The following PIK3C2G variants were observed in gnomAD, a reference collection of about 807,000 sequenced individuals.
PIK3C2G encodes the protein phosphatidylinositol 3-kinase C2 domain-containing subunit gamma.
A neutral mutation model predicts 181.1 loss-of-function variants in PIK3C2G; 168 were observed. The ratio of observed to expected loss-of-function variants is 0.93; its 90% CI spans 0.82 to 1.05. PIK3C2G has a LOEUF of 1.05. Ranked by LOEUF, PIK3C2G falls within the 50% of genes least tolerant of loss-of-function variation. PIK3C2G has a pLI of 0.00. For missense variants in PIK3C2G, 1,869 were observed against 1,732.8 expected, an observed-to-expected ratio of 1.08 and a Z score of -1.40; for synonymous variants, 573 against 592.2, an observed-to-expected ratio of 0.97 and a Z score of 0.47.
chr12:18,419,498 G>T (rs1020960071), intron 16 of PIK3C2G, among the ~76,000 whole-genome samples: 1 of 152,158 alleles, frequency 6.6e-6, no homozygotes, highest in African/African-American at 2.4e-5. Context: ...AGAATCTAAA[G>T]TCTTAATGTA....
intron 13 of PIK3C2G, 122 bp from the exon 14 acceptor site, chr12:18,381,644 A>T: frequency 1.7e-6 from 1 of 594,174 alleles, no homozygotes. Context: ...TTTTCTAGCA[A>T]CTGAATAAAG....
At chr12:18,441,233 A>G (rs1471550407) in intron 18 of PIK3C2G, among the ~76,000 whole-genome samples, 1 of 152,170 alleles carries the variant, frequency 6.6e-6, no homozygotes, top group Non-Finnish European at 1.5e-5. Context: ...GGAGGTCATC[A>G]AAAAAGCACT....
At chr12:18,590,779 T>A (rs1947037986) in intron 29 of PIK3C2G, among the ~76,000 whole-genome samples, 1 of 151,946 alleles carries the variant, frequency 6.6e-6, no homozygotes, top group Admixed American at 6.6e-5. Flanking sequence ...GATTTATCCC[T>A]CTCTTGACTC....
intron 16 of PIK3C2G, among the ~76,000 whole-genome samples, chr12:18,403,068 A>G (rs1944339486): frequency 6.6e-6 from 1 of 152,172 alleles, no homozygotes; most frequent in African/African-American, 2.4e-5. Context: ...TCCTGCATAA[A>G]CATGCTAGGC....
At chr12:18,653,117 G>A (rs1022009972), downstream of PIK3C2G, among the ~76,000 whole-genome samples, 8 of 151,964 alleles carry the variant, frequency 5.3e-5, no homozygotes, top group African/African-American at 1.9e-4. Context: ...AATAAATGAG[G>A]TTATAGATCA....
intron 30 of PIK3C2G, among the ~76,000 whole-genome samples, chr12:18,595,496 G>A (rs1247084815): frequency 5.9e-5 from 9 of 152,062 alleles, no homozygotes; most frequent in Non-Finnish European, 5.9e-5. Flanking sequence ...AAAAATAATA[G>A]TAATATTTAA....
intron 26 of PIK3C2G, among the ~76,000 whole-genome samples, chr12:18,550,800 C>A (rs977777511): frequency 6.6e-6 from 1 of 151,936 alleles, no homozygotes; most frequent in Non-Finnish European, 1.5e-5. Flanking sequence ...ATTGGGATCC[C>A]GAGCCAAGAC....
chr12:18,602,173 A>C (rs1947759546), intron 30 of PIK3C2G, among the ~76,000 whole-genome samples: 2 of 152,046 alleles, frequency 1.3e-5, no homozygotes, highest in Non-Finnish European at 2.9e-5. Context: ...CTCCACCTGG[A>C]AACAGACTGT....
rs781642074 is a variant in PIK3C2G at position 18,286,119 on chromosome 12, G to A, written c.679-728G>A. On this transcript the variant is annotated intron_variant, in intron 2 of 32. Coordinates refer to ENST00000538779, the MANE Select transcript of PIK3C2G (RefSeq NM_001288772.2). ...TAATGCTAAAATGGTCAATCAGGAA[G>A]AGATAATAAATTTAAATGTGTATGT... Among the ~76,000 whole-genome samples the A allele has an allele frequency of 2.4e-4, 36 of 151,956 alleles. 1 individual carries two copies. Among genetic ancestry groups the A allele is most frequent in the Non-Finnish European group, 4.4e-5 (3 of 67,852 alleles).
chr12:18,663,680 G>C, the PIK3C2G span, among the ~76,000 whole-genome samples: 1 of 151,796 alleles, frequency 6.6e-6, no homozygotes, highest in Non-Finnish European at 1.5e-5. Flanking sequence ...TTATGATGTT[G>C]GATTTGGCAA....
At chr12:18,569,285 C>T (rs1349569619) in intron 29 of PIK3C2G, among the ~76,000 whole-genome samples, 4 of 151,998 alleles carry the variant, frequency 2.6e-5, no homozygotes, top group South Asian at 2.1e-4. Flanking sequence ...ATCTAAGGAA[C>T]AGCAACTGTT....
At chr12:18,398,211 T>C (rs990350149) in intron 15 of PIK3C2G, among the ~76,000 whole-genome samples, 1 of 152,158 alleles carries the variant, frequency 6.6e-6, no homozygotes, top group Non-Finnish European at 1.5e-5. Flanking sequence ...AGCTGCGGAA[T>C]GTCCTTGAAT....
At chr12:18,314,738 T>C (rs1950789138) in intron 6 of PIK3C2G, 1 of 152,236 alleles carries the variant, frequency 6.6e-6, no homozygotes. Flanking sequence ...GAGACACTTA[T>C]TAAGGTTATC....
At chr12:18,374,402 T>C (rs1322863362) in intron 13 of PIK3C2G, among the ~76,000 whole-genome samples, 1 of 151,956 alleles carries the variant, frequency 6.6e-6, no homozygotes, top group African/African-American at 2.4e-5. Context: ...AAAAAAAAAC[T>C]GGATGAGAAT....
chr12:18,321,502 T>G (rs984106284), intron 7 of PIK3C2G, among the ~76,000 whole-genome samples: 2 of 152,218 alleles, frequency 1.3e-5, no homozygotes, highest in African/African-American at 2.4e-5. Flanking sequence ...CATTCTTATA[T>G]CTAAATGTAT....
chr12:18,510,160 AG>A (rs1487494707), intron 24 of PIK3C2G, among the ~76,000 whole-genome samples: 4 of 152,124 alleles, frequency 2.6e-5, no homozygotes, highest in African/African-American at 9.7e-5. Context: ...TTGTAGAGAT[AG>A]GGTCTCACCA....
chr12:18,424,232 G>A (rs1419547504), intron 18 of PIK3C2G, among the ~76,000 whole-genome samples, 193 bp downstream of exon 18: 5 of 152,086 alleles, frequency 3.3e-5, no homozygotes, highest in Admixed American at 2.6e-4. Flanking sequence ...TCTACCAGTT[G>A]GACAGTTGCT....
the PIK3C2G span, chr12:18,693,694 G>T: frequency 6.4e-7 from 1 of 1,566,896 alleles, no homozygotes; most frequent in East Asian, 2.2e-5. Flanking sequence ...GAGAAATTCA[G>T]CGAACAACGT....
At chr12:18,277,337 G>C (rs762932696) in intron 1 of PIK3C2G, among the ~76,000 whole-genome samples, 20 of 151,888 alleles carry the variant, frequency 1.3e-4, no homozygotes, top group Non-Finnish European at 2.5e-4. Context: ...CAGATGAAGA[G>C]AGACTTGGGA....
Sources: allele counts gnomAD v4.1 joint callset (sites outside exome capture counted in the v4.1 genomes callset), GRCh38; gene constraint gnomAD v4.1.1; transcripts MANE v1.5; gene names NCBI Gene and HGNC (gene_info 2026-07-23, HGNC 2026-07-21).